The following NARS2 variants were observed in gnomAD, a reference collection of about 807,000 sequenced individuals.
The protein encoded by NARS2 is asparaginyl-tRNA synthetase 2, mitochondrial.
In NARS2, 60 loss-of-function variants were observed where a neutral mutation model predicts 62.9. The observed-to-expected ratio is 0.95, with a 90% CI of 0.77 to 1.18. The LOEUF (loss-of-function observed/expected upper bound fraction) is 1.18. Among genes scored for constraint, NARS2 ranks in the 50% most tolerant of loss-of-function variants. NARS2 has a pLI of 0.00. For missense variants in NARS2, 619 were observed against 576.4 expected, an observed-to-expected ratio of 1.07 and a Z score of -0.76; for synonymous variants, 196 against 200.0, an observed-to-expected ratio of 0.98 and a Z score of 0.17.
chr11:78,560,382 C>T (rs1856518128), intron 4 of NARS2, among the ~76,000 whole-genome samples: 3 of 152,202 alleles, frequency 2.0e-5, no homozygotes, highest in African/African-American at 7.2e-5. Context: ...AAAGCTGTTG[C>T]TAGTCAGCAA....
chr11:78,544,032 A>C (rs550301698), intron 5 of NARS2, among the ~76,000 whole-genome samples: 7 of 151,220 alleles, frequency 4.6e-5, no homozygotes, highest in Admixed American at 1.3e-4. Context: ...AAAAAAAAAA[A>C]AAAAAAAACT....
intron 2 of NARS2, among the ~76,000 whole-genome samples, chr11:78,570,577 G>A (rs1053595891): frequency 6.6e-6 from 1 of 152,094 alleles, no homozygotes; most frequent in African/African-American, 2.4e-5. Flanking sequence ...TGGTAGAGAC[G>A]GGGTTTTAAT....
In NARS2 at chr11:78,551,103, T is replaced by C. The variant is rs1195445998; in HGVS notation, c.594+8436A>G. Among the ~76,000 whole-genome samples, 3 of 152,172 alleles carry C rather than the reference T, an allele frequency of 2.0e-5. No homozygotes were observed. In the East Asian group the frequency reaches 5.8e-4, roughly 29 times the overall value. Reference sequence around the variant, plus strand: ...GGCTGCTACTGGGTACAGTTTATTTTTGGGGTGATAAAAATGTCCTCAAAT... The same window carrying C: ...GGCTGCTACTGGGTACAGTTTATTTCTGGGGTGATAAAAATGTCCTCAAAT... On this transcript the variant is annotated intron_variant, in intron 5 of 13. Transcript: ENST00000281038.
rs182676141 is a variant in NARS2, at chr11:78,544,276, A to G, written c.594+15263T>C. On this transcript the variant is annotated intron_variant, in intron 5 of 13. Transcript: ENST00000281038. Reference sequence around the variant, plus strand: ...AAAGACTCACAGCCAATATTCTTATAATGGCCTAAAAAGTCCTTTTTAGAG... The same window carrying G: ...AAAGACTCACAGCCAATATTCTTATGATGGCCTAAAAAGTCCTTTTTAGAG... 9.9e-3 allele frequency among the ~76,000 whole-genome samples: 1,509 copies of G among 152,268 alleles called. 10 individuals carry two copies. Among genetic ancestry groups the G allele is most frequent in the Non-Finnish European group, 0.017 (1,143 of 68,022 alleles).
At chr11:78,437,974 C>CAAAAAAAAAAAAAAA (rs11380903) in intron 13 of NARS2, among the ~76,000 whole-genome samples, 1 of 116,650 alleles carries the variant, frequency 8.6e-6, no homozygotes, top group Non-Finnish European at 1.7e-5. Context: ...GATTCTGTAT[C>CAAAAAAAAAAAAAAA]AAAAAAAAAA....
chr11:78,573,740 G>A (rs186909949), intron 1 of NARS2, among the ~76,000 whole-genome samples: 4 of 152,266 alleles, frequency 2.6e-5, no homozygotes, highest in Admixed American at 1.3e-4. Context: ...AGGACTCAGG[G>A]ACAATTATTA....
intron 11 of NARS2, among the ~76,000 whole-genome samples, chr11:78,461,402 T>C (rs1858389059): frequency 6.7e-6 from 1 of 149,494 alleles, no homozygotes; most frequent in African/African-American, 2.5e-5. Context: ...GTCAAGGGAG[T>C]AGAGGGTTAT....
rs555190764 is a variant in NARS2 at position 78,510,229 on chromosome 11, T to C, written c.690-17034A>G. Among the ~76,000 whole-genome samples, 4 of 152,164 alleles carry C rather than the reference T, an allele frequency of 2.6e-5. No individual in the cohort carries two copies. In the East Asian group the frequency reaches 5.8e-4, roughly 22 times the overall value. On this transcript the variant is annotated intron_variant, in intron 6 of 13. Transcript: ENST00000281038. ...AAATGACCCAATTATATGCTGTCTA[T>C]AAAAGATTCACTTTAGATACAAAGA... is the stretch of plus-strand genomic sequence containing the variant.
At chr11:78,469,815 T>C (rs1257206806) in intron 9 of NARS2, among the ~76,000 whole-genome samples, 1 of 151,536 alleles carries the variant, frequency 6.6e-6, no homozygotes, top group East Asian at 1.9e-4. Context: ...GACAGATAAA[T>C]AAACAAGTAG....
At chr11:78,535,014 G>A (rs1460197604) in intron 5 of NARS2, among the ~76,000 whole-genome samples, 1 of 152,086 alleles carries the variant, frequency 6.6e-6, no homozygotes. Flanking sequence ...GTAAACCTGT[G>A]GGATATAACT....
At chr11:78,498,357 GCCT>G (rs1565238620) in intron 6 of NARS2, among the ~76,000 whole-genome samples, 1 of 152,098 alleles carries the variant, frequency 6.6e-6, no homozygotes, top group Non-Finnish European at 1.5e-5. Flanking sequence ...CTCTATTTCT[GCCT>G]CCTTTTACAT....
intron 10 of NARS2, among the ~76,000 whole-genome samples, chr11:78,466,832 A>T (rs1446351804): frequency 1.3e-5 from 2 of 152,202 alleles, no homozygotes; most frequent in Non-Finnish European, 2.9e-5. Context: ...ATGCTCTTTG[A>T]TGAATATTTA....
chr11:78,489,615 T>C (rs1591196072), intron 7 of NARS2, among the ~76,000 whole-genome samples: 1 of 151,908 alleles, frequency 6.6e-6, no homozygotes, highest in African/African-American at 2.4e-5. Context: ...TGGCAGGGAG[T>C]GGGGAGGGTC....
chr11:78,456,353 T>G (rs145410445), intron 11 of NARS2, among the ~76,000 whole-genome samples: 1 of 152,194 alleles, frequency 6.6e-6, no homozygotes, highest in East Asian at 1.9e-4. Flanking sequence ...TAATATAAAA[T>G]ATGTCATGAT....
At chr11:78,445,567 A>G (rs1418476548) in intron 11 of NARS2, among the ~76,000 whole-genome samples, 1 of 152,212 alleles carries the variant, frequency 6.6e-6, no homozygotes, top group Non-Finnish European at 1.5e-5. Context: ...GGTTGCAGTG[A>G]GCCAAGATCA....
At chr11:78,445,638 T>TA (rs1311748853) in intron 11 of NARS2, among the ~76,000 whole-genome samples, 3 of 152,092 alleles carry the variant, frequency 2.0e-5, no homozygotes, top group South Asian at 2.1e-4. Context: ...AAAAAACAAT[T>TA]AAAAAAATTT....
Position 78,563,845 on chromosome 11 carries a change from AAAAAAAATATATAT to A in NARS2, c.513+2273_513+2286del, listed in dbSNP as rs1324082640. Among the ~76,000 whole-genome samples the A allele has an allele frequency of 4.0e-3, 263 of 65,598 alleles. 12 individuals are homozygous for A. Among genetic ancestry groups the A allele is most frequent in the African/African-American group, 0.019 (244 of 12,892 alleles). 43.0% of individuals were successfully genotyped at this position (65,598 alleles called of 152,430 possible). ...ACTCTGTATCAAAAAAAAAAAAAAA[AAAAAAAATATATAT>A]ATATATATATGTATACACACACACA... On this transcript the variant is annotated intron_variant, in intron 4 of 13. Transcript: ENST00000281038.
chr11:78,568,834 A>G, intron 2 of NARS2, 82 bp from the exon 3 acceptor site: 2 of 1,137,276 alleles, frequency 1.8e-6, no homozygotes, highest in Non-Finnish European at 2.5e-6. Context: ...TAAGAATATT[A>G]AAATACTTAA....
At chr11:78,537,715 T>C (rs1053861151) in intron 5 of NARS2, among the ~76,000 whole-genome samples, 7 of 152,176 alleles carry the variant, frequency 4.6e-5, no homozygotes, top group African/African-American at 1.4e-4. Flanking sequence ...GAAGGATTGC[T>C]TGAGCACAGA....
Sources: allele counts gnomAD v4.1 joint callset (sites outside exome capture counted in the v4.1 genomes callset), GRCh38; gene constraint gnomAD v4.1.1; transcripts MANE v1.5; gene names NCBI Gene and HGNC (gene_info 2026-07-23, HGNC 2026-07-21).